Variants in CAD observed in about 807,000 individuals in gnomAD.
The protein encoded by CAD is carbamoyl-phosphate synthetase 2, aspartate transcarbamylase, and dihydroorotase, also known as multifunctional protein CAD.
A neutral mutation model predicts 237.2 loss-of-function variants in CAD; 81 were observed. The observed-to-expected ratio is 0.34, with a 90% CI of 0.29 to 0.41. CAD has a LOEUF of 0.41. Ranked by LOEUF, CAD falls within the 10% of genes least tolerant of loss-of-function variation. CAD has a pLI of 1.00. For synonymous variants in CAD, 1,196 were observed against 1,162.8 expected (o/e 1.03, Z -0.58); for missense variants, 2,181 against 2,951.7 (o/e 0.74, Z 6.05).
Position 27,226,107 on chromosome 2 carries a change from C to T in CAD, c.1843-24C>T, listed in dbSNP as rs1214934206. The T allele has an allele frequency of 4.3e-6, 7 of 1,609,316 alleles. No homozygotes were observed. The African/African-American group carries it at 6.7e-5, about 15-fold the overall frequency. On this transcript the variant is annotated intron_variant, in intron 12 of 43. Coordinates refer to ENST00000264705, the MANE Select transcript of CAD (RefSeq NM_004341.5). ...CTCTCCTGACTCTGCTTGGCAGTGACCTCCATGGCACCCCCCTTCACAGGT... is the reference window on the plus strand; with the variant it reads ...CTCTCCTGACTCTGCTTGGCAGTGATCTCCATGGCACCCCCCTTCACAGGT...
In CAD at chr2:27,233,617, C is replaced by G. The variant is rs376011557; in HGVS notation, c.3217-9C>G. ...TGAACAACTCAGCTAAGCTCCCTGC[C>G]TCCTGTAGTCTGCTCGCCAATTCTG... On this transcript the variant is annotated splice_polypyrimidine_tract_variant and intron_variant, in intron 20 of 43. Coordinates refer to ENST00000264705, the MANE Select transcript of CAD (RefSeq NM_004341.5). The surrounding 1 kb of genome is among the most constrained non-coding windows in gnomAD (Gnocchi z 6.3). 1.9e-5 allele frequency: 31 copies of G among 1,613,980 alleles called. No homozygotes were observed. Among genetic ancestry groups the G allele is most frequent in the Non-Finnish European group, 2.6e-5 (31 of 1,180,032 alleles).
chr2:27,225,638 A>G (rs1323480253), intron 11 of CAD, 67 bp from the exon 12 acceptor site: 2 of 1,178,132 alleles, frequency 1.7e-6, no homozygotes, highest in African/African-American at 1.6e-5. Flanking sequence ...ATCTTTTTTT[A>G]TGTGGGACAG....
rs1675875597 is a variant in CAD at position 27,233,752 on chromosome 2, G to A, written c.3343G>A (p.Ala1115Thr). 1 of 1,614,130 alleles carries A rather than the reference G, an allele frequency of 6.2e-7. No individual in the cohort carries two copies. The highest frequency in any genetic ancestry group is 8.5e-7 in the Non-Finnish European group (1 of 1,180,048). Residue 1115 changes from alanine to threonine, a missense_variant, in exon 21 of 44, where the codon GCA becomes ACA. Around this residue, in one of 12 missense-constraint regions of CAD, gnomAD observed 306 missense variants for 607.9 expected, o/e 0.50. Transcript: ENST00000264705. The surrounding 1 kb of genome is among the most constrained non-coding windows in gnomAD (Gnocchi z 6.3). Reference protein sequence around the residue: ...GDLERFLSSAAAVSKEHPVVI... With the variant: ...GDLERFLSSATAVSKEHPVVI... ...CCTGGAGCGCTTCCTGAGCAGCGCA[G>A]CAGCCGTCTCCAAAGAGCATCCCGT...
Position 27,236,831 on chromosome 2 carries a change from G to C in CAD, c.4396+1G>C. The C allele has an allele frequency of 6.2e-7, 1 of 1,613,862 alleles. No individual in the cohort carries two copies. Among genetic ancestry groups the C allele is most frequent in the Non-Finnish European group, 8.5e-7 (1 of 1,179,784 alleles). The stretch of plus-strand genomic sequence containing the variant: ...TCCCAAAAGCTTGTGCGACTGCCGG[G>C]TAAGTCTTTGGGGAGAACTTGGCTT... On this transcript the variant is annotated splice_donor_variant, in intron 27 of 43. Transcript: ENST00000264705. LOFTEE classifies it high-confidence loss of function. This position sits in a 1 kb window ranked among gnomAD's most constrained non-coding sequence, Gnocchi z 4.1.
In CAD at chr2:27,234,420, A is replaced by T. The variant is rs193182717; in HGVS notation, c.3619-98A>T. 2.0e-4 allele frequency: 261 copies of T among 1,292,974 alleles called. 2 individuals carry two copies. The African/African-American group carries it at 3.4e-3, about 17-fold the overall frequency. 80.1% of individuals were successfully genotyped at this position (1,292,974 alleles called of 1,614,324 possible). A position where few individuals can be genotyped will look rare whatever the true frequency, so the allele number is the denominator to read the frequency against. ...GTGACCCTGAACCCTGCTCAGTCTG[A>T]TCCCCCAGAGCTGAGGACGGAGAGG... On this transcript the variant is annotated intron_variant, in intron 22 of 43. Transcript: ENST00000264705.
At position 27,243,454 on chromosome 2, in the gene CAD, G is replaced by C. The variant is rs762275688; in HGVS notation, c.6614G>C (p.Arg2205Pro). Residue 2205 changes from arginine to proline, a missense_variant, in exon 44 of 44, where the codon CGC (arginine) becomes CCC (proline). This residue lies in a region of CAD where 170 missense variants were observed against 212.1 expected (regional missense o/e 0.80). Coordinates refer to ENST00000264705, the MANE Select transcript of CAD (RefSeq NM_004341.5). ...TCGGATCCCCGCGCAGCCTACTTCC[G>C]CCAGGCTGAGAACGGCATGTACATC... is the stretch of plus-strand genomic sequence containing the variant. ...VDSDPRAAYF[R>P]QAENGMYIRM... is the part of the protein sequence containing the mutation. The C allele has an allele frequency of 6.4e-7, 1 of 1,566,246 alleles. No individual in the cohort carries two copies. Among genetic ancestry groups the C allele is most frequent in the Non-Finnish European group, 8.6e-7 (1 of 1,159,884 alleles).
intron 3 of CAD, 74 bp from the exon 4 acceptor site, chr2:27,222,120 T>G (rs1170812178): frequency 6.8e-7 from 1 of 1,461,496 alleles, no homozygotes; most frequent in Admixed American, 1.8e-5. Context: ...GGAATGGAAG[T>G]GCTTCTGGAA....
At chr2:27,226,761 A>G (rs1675460498) in intron 14 of CAD, 71 bp from the exon 15 acceptor site, 5 of 1,603,744 alleles carry the variant, frequency 3.1e-6, no homozygotes, top group Non-Finnish European at 4.3e-6. Flanking sequence ...GGGAATGGAA[A>G]GAGCTATCCG....
chr2:27,237,788 T>C lies in CAD; in HGVS notation c.4634T>C (p.Leu1545Ser). ...GCCTCGTCTGAAAATGCAGGAACCT[T>C]GGGCACCGTGGCCGGGTCTGCAGCC... ...LGASSENAGT[L>S]GTVAGSAAGL... The change falls in exon 29 of 44, where the codon TTG (leucine) becomes TCG (serine). Residue 1545 changes from leucine (L) to serine (S), a missense_variant. Coordinates refer to ENST00000264705, the MANE Select transcript of CAD (RefSeq NM_004341.5). The surrounding 1 kb of genome is among the most constrained non-coding windows in gnomAD (Gnocchi z 4.0). 6.2e-7 allele frequency: 1 copy of C among 1,614,226 alleles called. No individual in the cohort carries two copies. Among genetic ancestry groups the C allele is most frequent in the East Asian group, 2.2e-5 (1 of 44,880 alleles).
In CAD at chr2:27,226,541, T is replaced by G. The variant is rs1298845126; in HGVS notation, c.2048T>G (p.Val683Gly). Residue 683 changes from valine to glycine, a missense_variant, in exon 14 of 44, where the codon GTG (valine) becomes GGG (glycine). Around this residue, in one of 12 missense-constraint regions of CAD, gnomAD observed 385 missense variants for 535.1 expected, o/e 0.72. Transcript: ENST00000264705. The stretch of plus-strand genomic sequence containing the variant: ...TCTTTGCAGTATTACATCATTGAAG[T>G]GAATGCCAGGCTCTCTCGCAGCTCT... ...PESEQYYIIE[V>G]NARLSRSSAL... The G allele has an allele frequency of 6.2e-7, 1 of 1,614,170 alleles. No individual in the cohort carries two copies. Among genetic ancestry groups the G allele is most frequent in the Admixed American group, 1.7e-5 (1 of 60,022 alleles).
At chr2:27,230,230 C>T (rs1420922334) in intron 15 of CAD, among the ~76,000 whole-genome samples, 1 of 151,958 alleles carries the variant, frequency 6.6e-6, no homozygotes, top group East Asian at 1.9e-4. Context: ...GAGAGAAACT[C>T]CGTCTCAAGA....
At position 27,217,862 on chromosome 2, in the gene CAD, GCTT is replaced by G. The variant is rs1674947687; in HGVS notation, c.83-11_83-9del. On this transcript the variant is annotated splice_polypyrimidine_tract_variant and intron_variant, in intron 1 of 43. Coordinates refer to ENST00000264705, the MANE Select transcript of CAD (RefSeq NM_004341.5). ...GGGTGCCCTACCGGAGCCCAGCCCT[GCTT>G]CTTTCTTGCAGTGTTTCAAACCGGC... is the stretch of plus-strand genomic sequence containing the variant. The G allele has an allele frequency of 2.5e-6, 4 of 1,588,028 alleles. No individual in the cohort carries two copies. Among genetic ancestry groups the G allele is most frequent in the Non-Finnish European group, 3.4e-6 (4 of 1,166,914 alleles).
In CAD at chr2:27,241,161, C is replaced by G; in HGVS notation, c.5742C>G (p.Thr1914=). ...LGTPGLLHPQ[T]SPLLHSLVGQ... Reference sequence around the variant, plus strand: ...CCCCTGGCTTGCTGCACCCCCAGACCTCACCCCTGCTGCACTCATTAGTGG... The same window carrying G: ...CCCCTGGCTTGCTGCACCCCCAGACGTCACCCCTGCTGCACTCATTAGTGG... The change falls in exon 37 of 44, where the codon ACC becomes ACG. Residue 1914 remains threonine, a synonymous_variant. Transcript: ENST00000264705. This position sits in a 1 kb window ranked among gnomAD's most constrained non-coding sequence, Gnocchi z 4.6. The G allele has an allele frequency of 1.9e-6, 3 of 1,612,970 alleles. No homozygotes were observed. The highest frequency in any genetic ancestry group is 2.2e-5 in the South Asian group (2 of 90,966).
intron 42 of CAD, 110 bp downstream of exon 42, chr2:27,243,083 G>T (rs1484654951): frequency 5.3e-6 from 7 of 1,331,354 alleles, no homozygotes; most frequent in Non-Finnish European, 7.4e-6. Context: ...CTTCACATCT[G>T]TCAATTGCCA....
rs1675998298 is a variant in CAD, at chr2:27,236,317, G to A, written c.4108G>A (p.Val1370Met). The A allele has an allele frequency of 6.2e-7, 1 of 1,614,044 alleles. No individual in the cohort carries two copies. ...TAVDWHFEEA[V>M]DGECPPQRSI... ...TGTGGACTGGCACTTTGAGGAGGCT[G>A]TGGATGGTGAGTGCCCACCACAGCG... The change falls in exon 26 of 44, where the codon GTG becomes ATG. Residue 1370 changes from valine to methionine, a missense_variant. Physicochemically the swap from Val to Met is conservative, Grantham distance 21. Around this residue, in one of 12 missense-constraint regions of CAD, gnomAD observed 306 missense variants for 607.9 expected, o/e 0.50. Transcript: ENST00000264705. This position sits in a 1 kb window ranked among gnomAD's most constrained non-coding sequence, Gnocchi z 4.1.
chr2:27,230,994 T>TTTG (rs1675723973), intron 15 of CAD, among the ~76,000 whole-genome samples: 1 of 152,132 alleles, frequency 6.6e-6, no homozygotes, highest in African/African-American at 2.4e-5. Context: ...TAAGATTTCT[T>TTTG]TTTGTTTGTT....
In CAD at chr2:27,235,723, G is replaced by T. The variant is rs1675967856; in HGVS notation, c.4074+83G>T. On this transcript the variant is annotated intron_variant, in intron 25 of 43. Coordinates refer to ENST00000264705, the MANE Select transcript of CAD (RefSeq NM_004341.5). The surrounding 1 kb of genome is among the most constrained non-coding windows in gnomAD (Gnocchi z 5.2). ...CTGCACCAAAGAATTATCTGGGCTG[G>T]GCACGGTGGCATATACCTGTAGTCC... 1 of 1,150,260 alleles carries T rather than the reference G, an allele frequency of 8.7e-7. No individual in the cohort carries two copies. 71.3% of individuals were successfully genotyped at this position (1,150,260 alleles called of 1,614,324 possible).
Position 27,223,955 on chromosome 2 carries a change from A to G in CAD, c.1034A>G (p.Asp345Gly). 1 of 1,614,094 alleles carries G rather than the reference A, an allele frequency of 6.2e-7. No homozygotes were observed. Among genetic ancestry groups the G allele is most frequent in the Non-Finnish European group, 8.5e-7 (1 of 1,179,964 alleles). The change falls in exon 8 of 44, where the codon GAT becomes GGT. Residue 345 changes from aspartate (D) to glycine (G), a missense_variant. Asp to Gly is a moderately conservative substitution (Grantham distance 94). This residue lies in a region of CAD where 129 missense variants were observed against 143.3 expected (regional missense o/e 0.90). Transcript: ENST00000264705. ...CCAGAGCACCAAGCTGGCCCTTCAG[A>G]TATGGAACTGCTTTTCGATATCTTT... is the stretch of plus-strand genomic sequence containing the variant. The part of the protein sequence containing the change: ...FHPEHQAGPS[D>G]MELLFDIFLE...
chr2:27,231,609 C>T (rs1273505228), intron 16 of CAD, 29 bp downstream of exon 16: 1 of 1,364,058 alleles, frequency 7.3e-7, no homozygotes, highest in East Asian at 2.3e-5. Context: ...CTGGCAATAC[C>T]CCTAAAATAG....
Sources: allele counts gnomAD v4.1 joint callset (sites outside exome capture counted in the v4.1 genomes callset), GRCh38; gene constraint gnomAD v4.1.1; regional missense constraint gnomAD v4.1.1; non-coding constraint Gnocchi (gnomAD v3.1); transcripts MANE v1.5; gene names NCBI Gene and HGNC (gene_info 2026-07-23, HGNC 2026-07-21).